Variants in DLG5 observed in about 807,000 individuals in gnomAD.
DLG5 encodes discs large MAGUK scaffold protein 5, also known as disks large homolog 5.
A neutral mutation model predicts 189.8 loss-of-function variants in DLG5; 48 were observed. That is an observed-to-expected ratio of 0.25 (90% confidence interval 0.20 to 0.32). The LOEUF (loss-of-function observed/expected upper bound fraction) is 0.32. DLG5 is among the 10% of genes least tolerant of loss of function. The probability of loss-of-function intolerance (pLI) is 1.00; values close to 1 mark genes in which losing one functional copy is unlikely to be tolerated. For missense variants in DLG5, 2,160 were observed against 2,544.7 expected (o/e 0.85, Z 3.25); for synonymous variants, 1,016 against 1,054.1 (o/e 0.96, Z 0.70).
rs577646816 is a variant in DLG5 at position 77,798,319 on chromosome 10, C to T, written c.5165-1725G>A. ...TGGAGGAGGGTTTGGTGGTCACATT[C>T]ACCACCTTGGAACCCCATGTGGTCC... On this transcript the variant is annotated intron_variant, in intron 27 of 31. Transcript: ENST00000372391. 2.6e-5 allele frequency among the ~76,000 whole-genome samples: 4 copies of T among 152,356 alleles called. No individual in the cohort carries two copies. In the East Asian group the frequency reaches 7.7e-4, roughly 29 times the overall value.
chr10:77,893,317 C>A (rs1175110438), intron 1 of DLG5, among the ~76,000 whole-genome samples: 1 of 152,224 alleles, frequency 6.6e-6, no homozygotes, highest in Admixed American at 6.5e-5. Context: ...CAAAGGTATT[C>A]ACTGGGGACC....
At chr10:77,918,686 C>T (rs903968441) in intron 1 of DLG5, among the ~76,000 whole-genome samples, 6 of 151,906 alleles carry the variant, frequency 3.9e-5, no homozygotes, top group African/African-American at 1.5e-4. Context: ...GCAGTCTATC[C>T]CAGGTAAAAG....
chr10:77,830,296 T>A lies in DLG5; in HGVS notation c.1930A>T (p.Asn644Tyr), dbSNP rs748837987. The A allele has an allele frequency of 1.9e-6, 3 of 1,614,222 alleles. No individual in the cohort carries two copies. The highest frequency in any genetic ancestry group is 2.5e-6 in the Non-Finnish European group (3 of 1,180,048). ...ALGFDMAEGV[N>Y]EPCFPGDCGI... Reference sequence around the variant, plus strand: ...CAGTCCCCCGGGAAACAAGGCTCATTCACACCTTCTGCCATATCAAACCCC... The same window carrying A: ...CAGTCCCCCGGGAAACAAGGCTCATACACACCTTCTGCCATATCAAACCCC... The change falls in exon 11 of 32, where the codon AAT becomes TAT. Residue 644 changes from asparagine to tyrosine, a missense_variant. Physicochemically the swap from Asn to Tyr is moderately radical, Grantham distance 143. Transcript: ENST00000372391.
At chr10:77,829,334 C>A in intron 12 of DLG5, 21 bp downstream of exon 12, 1 of 1,612,942 alleles carries the variant, frequency 6.2e-7, no homozygotes, top group African/African-American at 1.3e-5. Flanking sequence ...AGGCACTCTG[C>A]CATGTTCACA....
rs544883721 is a variant in DLG5, at chr10:77,843,779, G to A, written c.865-73C>T. Reference sequence around the variant, plus strand: ...GAGGAGACCTCCCACTCTCACTTTTGTCTATCTGAGGGTGAGACTGATGAC... The same window carrying A: ...GAGGAGACCTCCCACTCTCACTTTTATCTATCTGAGGGTGAGACTGATGAC... On this transcript the variant is annotated intron_variant, in intron 5 of 31. Coordinates refer to ENST00000372391, the MANE Select transcript of DLG5 (RefSeq NM_004747.4). The A allele has an allele frequency of 6.9e-6, 11 of 1,591,752 alleles. No individual in the cohort carries two copies. The East Asian group carries it at 2.5e-4, about 36-fold the overall frequency.
At chr10:77,846,818 T>A (rs1178135631) in intron 5 of DLG5, 2 of 434,730 alleles carry the variant, frequency 4.6e-6, no homozygotes, top group Non-Finnish European at 9.3e-6. Flanking sequence ...TTGCCTGAGT[T>A]CCCCACAAGG....
chr10:77,887,802 T>C (rs1369299502), intron 1 of DLG5, among the ~76,000 whole-genome samples: 1 of 152,136 alleles, frequency 6.6e-6, no homozygotes, highest in Non-Finnish European at 1.5e-5. Flanking sequence ...TTCATCACAT[T>C]TCAGAAAAAC....
chr10:77,836,009 G>A (rs915780836), intron 7 of DLG5, 87 bp from the exon 8 acceptor site: 1 of 1,408,476 alleles, frequency 7.1e-7, no homozygotes, highest in Non-Finnish European at 9.7e-7. Flanking sequence ...GGCCAAGGCT[G>A]AGGCTCTAGG....
rs532390664 is a variant in DLG5 at position 77,809,262 on chromosome 10, C to T, written c.4647+285G>A. 1.8e-3 allele frequency among the ~76,000 whole-genome samples: 276 copies of T among 150,428 alleles called. 1 individual carries two copies. Among genetic ancestry groups the T allele is most frequent in the Admixed American group, 3.6e-3 (54 of 15,064 alleles). ...CTCTACTGAAAATATAAAAATTAGCCGGGTATCGTGGCACATGCCTGTAGT... is the reference window on the plus strand; with the variant it reads ...CTCTACTGAAAATATAAAAATTAGCTGGGTATCGTGGCACATGCCTGTAGT... On this transcript the variant is annotated intron_variant, in intron 24 of 31. Transcript: ENST00000372391.
chr10:77,926,617 G>T lies in DLG5; in HGVS notation c.-97C>A, dbSNP rs1420166549. ...AGCACCTCGGCAGCAGCCCTAGGGCGCCGGGAGCCGTGAGGCGGCGGGAGC... is the reference window on the plus strand; with the variant it reads ...AGCACCTCGGCAGCAGCCCTAGGGCTCCGGGAGCCGTGAGGCGGCGGGAGC... On this transcript the variant is annotated 5_prime_UTR_variant, in exon 1 of 32. Coordinates refer to ENST00000372391, the MANE Select transcript of DLG5 (RefSeq NM_004747.4). This position sits in a 1 kb window ranked among gnomAD's most constrained non-coding sequence, Gnocchi z 5.2. 29 of 995,820 alleles carry T rather than the reference G, an allele frequency of 2.9e-5. No homozygotes were observed. Among genetic ancestry groups the T allele is most frequent in the African/African-American group, 6.9e-5 (4 of 57,748 alleles). 61.7% of individuals were successfully genotyped at this position (995,820 alleles called of 1,614,324 possible).
At chr10:77,816,841 G>T in intron 19 of DLG5, 140 bp from the exon 20 acceptor site, 1 of 1,393,992 alleles carries the variant, frequency 7.2e-7, no homozygotes. Flanking sequence ...GCTAGGCTCT[G>T]CATTGCCCCC....
intron 5 of DLG5, among the ~76,000 whole-genome samples, chr10:77,844,637 GC>G (rs1843596089): frequency 6.6e-6 from 1 of 152,190 alleles, no homozygotes; most frequent in Non-Finnish European, 1.5e-5. Context: ...TGCCCTGTGG[GC>G]CTTTTATCCT....
intron 1 of DLG5, among the ~76,000 whole-genome samples, chr10:77,896,890 C>G (rs559866642): frequency 2.0e-5 from 3 of 151,722 alleles, no homozygotes; most frequent in Non-Finnish European, 4.4e-5. Flanking sequence ...AAGTGTTTAT[C>G]GTACTTTCCC....
chr10:77,812,471 C>A (rs1269684292), intron 20 of DLG5, 94 bp from the exon 21 acceptor site: 43 of 1,425,478 alleles, frequency 3.0e-5, no homozygotes, highest in Non-Finnish European at 3.3e-5. Flanking sequence ...TCTGACAGTG[C>A]AGAAAGGGCC....
At chr10:77,836,084 C>G (rs557771792) in intron 7 of DLG5, among the ~76,000 whole-genome samples, 162 bp from the exon 8 acceptor site, 4 of 152,246 alleles carry the variant, frequency 2.6e-5, no homozygotes, top group Admixed American at 2.6e-4. Context: ...GACTGCACCC[C>G]ACAGCCACGG....
rs566721790 is a variant in DLG5, at chr10:77,850,914, G to A, written c.864+2440C>T. Among the ~76,000 whole-genome samples, 39 of 152,346 alleles carry A rather than the reference G, an allele frequency of 2.6e-4. No individual in the cohort carries two copies. In the South Asian group the frequency reaches 7.9e-3, roughly 31 times the overall value. Reference sequence around the variant, plus strand: ...GAGCCACATACACCTCTGAAATGATGATTCTCTCAAGGAAGTATAGAATCC... The same window carrying A: ...GAGCCACATACACCTCTGAAATGATAATTCTCTCAAGGAAGTATAGAATCC... On this transcript the variant is annotated intron_variant, in intron 5 of 31. Transcript: ENST00000372391.
intron 2 of DLG5, chr10:77,868,667 G>A (rs930102015): frequency 2.7e-5 from 6 of 219,454 alleles, no homozygotes; most frequent in African/African-American, 4.8e-5. Context: ...AAACCACTGC[G>A]GCCTTCCTGC....
chr10:77,917,954 G>A (rs1385049192), intron 1 of DLG5, among the ~76,000 whole-genome samples: 1 of 151,316 alleles, frequency 6.6e-6, no homozygotes, highest in African/African-American at 2.4e-5. Flanking sequence ...GGAGGCGGAG[G>A]TTGTGGTGAG....
chr10:77,814,461 T>TTA (rs59297524), intron 20 of DLG5, among the ~76,000 whole-genome samples: 2,579 of 70,336 alleles, frequency 0.037, 112 homozygotes, highest in Non-Finnish European at 0.056. Context: ...TAAAGCATGT[T>TTA]TATATATATA....
Sources: gnomAD v4.1 joint callset for allele counts (sites outside exome capture counted in the v4.1 genomes callset) on GRCh38, gnomAD v4.1.1 for gene constraint, Gnocchi (gnomAD v3.1) non-coding constraint, MANE v1.5 for transcripts, NCBI Gene and HGNC (gene_info 2026-07-23, HGNC 2026-07-21) for gene names.